Variants in DLG4 observed in about 807,000 individuals in gnomAD.
DLG4 encodes the protein disks large homolog 4.
Under a neutral mutation model 93.8 loss-of-function variants are expected in DLG4, and 7 were observed. That is an observed-to-expected ratio of 0.07 (90% CI 0.04 to 0.14). DLG4 has a LOEUF of 0.14. Among genes scored for constraint, DLG4 ranks in the 10% least tolerant of loss-of-function variants. The probability of loss-of-function intolerance (pLI) is 1.00; values close to 1 mark genes in which losing one functional copy is unlikely to be tolerated. For synonymous variants in DLG4, 341 were observed against 387.6 expected, an observed-to-expected ratio of 0.88 and a Z score of 1.41; for missense variants, 545 against 992.9, an observed-to-expected ratio of 0.55 and a Z score of 6.06.
chr17:7,197,041 G>A lies in DLG4; in HGVS notation c.799C>T (p.His267Tyr). 1 of 1,610,204 alleles carries A rather than the reference G, an allele frequency of 6.2e-7. No homozygotes were observed. The highest frequency in any genetic ancestry group is 8.5e-7 in the Non-Finnish European group (1 of 1,177,512). The change falls in exon 9 of 20, where the codon CAC becomes TAC. Residue 267 changes from histidine (H) to tyrosine (Y), a missense_variant. This residue lies in a region of DLG4 where 428 missense variants were observed against 741.4 expected (regional missense o/e 0.58). Coordinates refer to ENST00000399506, the MANE Select transcript of DLG4 (RefSeq NM_001321075.3). ...CTGTGACTGATCTCATTGTCCAGGT[G>A]CTGGGAATAAGCTGAGGAAGACAGG... ...PPDITTSYSQ[H>Y]LDNEISHSSY...
upstream of DLG4, chr17:7,218,501 C>A: frequency 1.9e-6 from 3 of 1,538,592 alleles, no homozygotes. Flanking sequence ...TCAGTAATGG[C>A]CCTTGGAGGC....
Position 7,193,399 on chromosome 17 carries a change from G to A in DLG4, c.1693+84C>T, listed in dbSNP as rs2069602185. 1.5e-6 allele frequency: 2 copies of A among 1,333,096 alleles called. No homozygotes were observed. Among genetic ancestry groups the A allele is most frequent in the Admixed American group, 2.8e-5 (1 of 36,156 alleles). The allele number at this position is 1,333,096 out of a possible 1,614,324, so 82.6% of individuals were successfully genotyped here. On this transcript the variant is annotated intron_variant, in intron 16 of 19. Transcript: ENST00000399506. The surrounding 1 kb of genome is among the most constrained non-coding windows in gnomAD (Gnocchi z 6.7). Reference sequence around the variant, plus strand: ...TCCCTACACACCGATCCCCCAGGAGGCTCTGCCTATGGCCCCAGGGATGGG... The same window carrying A: ...TCCCTACACACCGATCCCCCAGGAGACTCTGCCTATGGCCCCAGGGATGGG...
rs2069817620 is a variant in DLG4, at chr17:7,196,859, G to A, written c.981C>T (p.Ile327=). 5.0e-6 allele frequency: 8 copies of A among 1,613,680 alleles called. No homozygotes were observed. The highest frequency in any genetic ancestry group is 3.3e-4 in the Middle Eastern group (2 of 6,084). The change falls in exon 9 of 20, where the codon ATC becomes ATT. Residue 327 remains isoleucine (I), a synonymous_variant. Transcript: ENST00000399506. This position sits in a 1 kb window ranked among gnomAD's most constrained non-coding sequence, Gnocchi z 8.3. ...TGCCTTCACCGTCCTCGCCACCCAC[G>A]ATGTTGAAGCCCAGGCCCGTGGAGC... ...HRGSTGLGFN[I]VGGEDGEGIF...
At position 7,195,018 on chromosome 17, in the gene DLG4, CAA is replaced by C. The variant is rs1336744487; in HGVS notation, c.1302-525_1302-524del. On this transcript the variant is annotated intron_variant, in intron 11 of 19. Coordinates refer to ENST00000399506, the MANE Select transcript of DLG4 (RefSeq NM_001321075.3). The surrounding 1 kb of genome is among the most constrained non-coding windows in gnomAD (Gnocchi z 4.3). ...TGGGCAACGGAGCGAGACACCGTCT[CAA>C]AAAAAAAAAAAAAGAAAAAGAAAAA... Among the ~76,000 whole-genome samples the C allele has an allele frequency of 2.2e-4, 16 of 72,250 alleles. No individual in the cohort carries two copies. The highest frequency in any genetic ancestry group is 2.2e-4 in the Non-Finnish European group (8 of 36,018). The allele number at this position is 72,250 out of a possible 152,430, so 47.4% of individuals were successfully genotyped here.
In DLG4 at chr17:7,194,198, C is replaced by T; in HGVS notation, c.1478+121G>A. On this transcript the variant is annotated intron_variant, in intron 12 of 19. Coordinates refer to ENST00000399506, the MANE Select transcript of DLG4 (RefSeq NM_001321075.3). This position sits in a 1 kb window ranked among gnomAD's most constrained non-coding sequence, Gnocchi z 4.4. ...TGGGAGCCACGGACCCCAGGAGGGC[C>T]CAACAGACAAACCCCTAGGAGTTCA... 6 of 1,398,990 alleles carry T rather than the reference C, an allele frequency of 4.3e-6. No individual in the cohort carries two copies. The highest frequency in any genetic ancestry group is 5.8e-6 in the Non-Finnish European group (6 of 1,039,394). The allele number at this position is 1,398,990 out of a possible 1,614,324, so 86.7% of individuals were successfully genotyped here. A position where few individuals can be genotyped will look rare whatever the true frequency, so the allele number is the denominator to read the frequency against.
chr17:7,218,478 C>A, upstream of DLG4: 1 of 1,499,144 alleles, frequency 6.7e-7, no homozygotes, highest in South Asian at 1.2e-5. Flanking sequence ...GGCTCCCAAA[C>A]AGCCCCCGAA....
rs1171599023 is a variant in DLG4, at chr17:7,203,375, G to T, written c.506-46C>A. On this transcript the variant is annotated intron_variant, in intron 6 of 19. Transcript: ENST00000399506. The surrounding 1 kb of genome is among the most constrained non-coding windows in gnomAD (Gnocchi z 7.2). ...AGGTGGGTGCCCAGGAAGCAGGCTT[G>T]GGGGCACAGGACAGTTGGGATGGGG... is the stretch of plus-strand genomic sequence containing the variant. 5 of 1,554,794 alleles carry T rather than the reference G, an allele frequency of 3.2e-6. No homozygotes were observed. The highest frequency in any genetic ancestry group is 4.3e-6 in the Non-Finnish European group (5 of 1,156,300).
chr17:7,203,108 G>A lies in DLG4; in HGVS notation c.643-61C>T. On this transcript the variant is annotated intron_variant, in intron 7 of 19. Coordinates refer to ENST00000399506, the MANE Select transcript of DLG4 (RefSeq NM_001321075.3). The surrounding 1 kb of genome is among the most constrained non-coding windows in gnomAD (Gnocchi z 7.2). ...CAAATGGCCCAAGACAGAAGCACTG[G>A]GGTGAAGTGATGAACTTGGGCCTGC... The A allele has an allele frequency of 6.3e-7, 1 of 1,575,894 alleles. No individual in the cohort carries two copies. Among genetic ancestry groups the A allele is most frequent in the Non-Finnish European group, 8.7e-7 (1 of 1,153,770 alleles).
At chr17:7,220,049 C>T (rs758445631), upstream of DLG4, 1 of 1,602,752 alleles carries the variant, frequency 6.2e-7, no homozygotes, top group African/African-American at 1.3e-5. Context: ...GGCGGAAGGT[C>T]TGTGTGTGAC....
rs900595364 is a variant in DLG4 at position 7,188,118 on chromosome 17, T to C, written c.*2590A>G. ...TCTGAAGCAGTGCTTCTCCACCCAG[T>C]GAGACATCAAAATCACCCGGGAGCT... On this transcript the variant is annotated 3_prime_UTR_variant, in exon 20 of 20. Coordinates refer to ENST00000399506, the MANE Select transcript of DLG4 (RefSeq NM_001321075.3). Among the ~76,000 whole-genome samples, 1 of 150,228 alleles carries C rather than the reference T, an allele frequency of 6.7e-6. No individual in the cohort carries two copies. The highest frequency in any genetic ancestry group is 1.5e-5 in the Non-Finnish European group (1 of 67,774).
rs557469822 is a variant in DLG4, at chr17:7,188,323, C to G, written c.*2385G>C. 3.0e-4 allele frequency among the ~76,000 whole-genome samples: 46 copies of G among 152,282 alleles called. No individual in the cohort carries two copies. Among genetic ancestry groups the G allele is most frequent in the African/African-American group, 1.1e-3 (45 of 41,552 alleles). ...GCCATGCCATCCACAGAATCACTAC[C>G]CCTGGGTTGGTCTTTTGCATGAAAC... On this transcript the variant is annotated 3_prime_UTR_variant, in exon 20 of 20. Coordinates refer to ENST00000399506, the MANE Select transcript of DLG4 (RefSeq NM_001321075.3).
At chr17:7,219,921 T>TAGGCGTGCAGGACGC (rs1555527389), upstream of DLG4, 13 of 1,555,336 alleles carry the variant, frequency 8.4e-6, no homozygotes, top group Middle Eastern at 1.7e-4. Context: ...CGCCAGGACG[T>TAGGCGTGCAGGACGC]GGGCGTGCAG....
intron 8 of DLG4, among the ~76,000 whole-genome samples, chr17:7,201,618 C>T (rs1044820277): frequency 1.1e-4 from 17 of 152,288 alleles, no homozygotes; most frequent in African/African-American, 4.1e-4. Context: ...CGGTGGCTCA[C>T]GCCTGTAATC....
rs1326420629 is a variant in DLG4, at chr17:7,203,243, C to G, written c.592G>C (p.Gly198Arg). Residue 198 changes from glycine (G) to arginine (R), a missense_variant, in exon 7 of 20, where the codon GGT (glycine) becomes CGT (arginine). Around this residue, in one of 5 missense-constraint regions of DLG4, gnomAD observed 428 missense variants for 741.4 expected, o/e 0.58. Transcript: ENST00000399506. The surrounding 1 kb of genome is among the most constrained non-coding windows in gnomAD (Gnocchi z 7.2). The part of the protein sequence containing the change: ...SIYVTKIIEG[G>R]AAHKDGRLQI... The stretch of plus-strand genomic sequence containing the variant: ...AACCTCCCATCCTTGTGGGCAGCAC[C>G]CCCTTCGATGATCTTTGTTACATAG... 6.2e-7 allele frequency: 1 copy of G among 1,610,446 alleles called. No homozygotes were observed. Among genetic ancestry groups the G allele is most frequent in the Admixed American group, 1.7e-5 (1 of 59,944 alleles).
intron 8 of DLG4, among the ~76,000 whole-genome samples, chr17:7,200,441 G>C (rs138252217): frequency 5.5e-4 from 83 of 151,910 alleles, no homozygotes; most frequent in Middle Eastern, 3.4e-3. Context: ...TAATTTTATA[G>C]AAATTTTTTC....
chr17:7,210,962 C>T (rs572940372), intron 1 of DLG4, among the ~76,000 whole-genome samples: 1 of 151,944 alleles, frequency 6.6e-6, no homozygotes, highest in Admixed American at 6.6e-5. Flanking sequence ...GTGTCTGGCA[C>T]TGAAGAAAAG....
upstream of DLG4, chr17:7,218,180 G>A: frequency 1.4e-6 from 2 of 1,442,328 alleles, no homozygotes; most frequent in Non-Finnish European, 1.9e-6. Flanking sequence ...GTGATATTTG[G>A]CTCACCCCTC....
At chr17:7,211,164 C>T (rs1253093370) in intron 1 of DLG4, among the ~76,000 whole-genome samples, 2 of 129,040 alleles carry the variant, frequency 1.5e-5, no homozygotes, top group African/African-American at 6.1e-5. Context: ...TCTGAAACTG[C>T]AGACTGGGGG....
chr17:7,197,960 G>A (rs773586075), intron 8 of DLG4, among the ~76,000 whole-genome samples: 2 of 152,100 alleles, frequency 1.3e-5, no homozygotes, highest in South Asian at 2.1e-4. Context: ...GTAGCGCTAC[G>A]TTCTTCCTAC....
Sources: allele counts gnomAD v4.1 joint callset (sites outside exome capture counted in the v4.1 genomes callset), GRCh38; gene constraint gnomAD v4.1.1; regional missense constraint gnomAD v4.1.1; non-coding constraint Gnocchi (gnomAD v3.1); transcripts MANE v1.5; gene names NCBI Gene and HGNC (gene_info 2026-07-23, HGNC 2026-07-21).